The following CAMK1D variants were observed in gnomAD, a reference collection of about 807,000 sequenced individuals.
CAMK1D encodes the protein calcium/calmodulin-dependent protein kinase type 1D.
In CAMK1D, 9 loss-of-function variants were observed where a neutral mutation model predicts 47.7. The observed-to-expected ratio is 0.19, with a 90% confidence interval of 0.11 to 0.33. The LOEUF (loss-of-function observed/expected upper bound fraction) is 0.33, where lower values mean the gene tolerates loss of function less well. CAMK1D is among the 10% of genes least tolerant of loss of function. The probability of loss-of-function intolerance (pLI) is 1.00; values close to 1 mark genes in which losing one functional copy is unlikely to be tolerated. For synonymous variants in CAMK1D, 184 were observed against 184.9 expected (o/e 0.99, Z 0.04); for missense variants, 291 against 488.7 (o/e 0.60, Z 3.81).
intron 5 of CAMK1D, among the ~76,000 whole-genome samples, chr10:12,777,032 T>G (rs182276196): frequency 6.6e-6 from 1 of 152,152 alleles, no homozygotes; most frequent in Non-Finnish European, 1.5e-5. Flanking sequence ...GTAGGCAAAT[T>G]TGCAGATAGA....
chr10:12,749,735 G>C (rs1359511395), intron 3 of CAMK1D, among the ~76,000 whole-genome samples: 1 of 151,954 alleles, frequency 6.6e-6, no homozygotes, highest in Non-Finnish European at 1.5e-5. Context: ...TATATTACAG[G>C]TGCCCACCAA....
intron 2 of CAMK1D, among the ~76,000 whole-genome samples, chr10:12,624,564 C>G (rs558230426): frequency 6.6e-6 from 1 of 152,140 alleles, no homozygotes; most frequent in Non-Finnish European, 1.5e-5. Context: ...CATGTTGTCA[C>G]CCTGCAGAAT....
In CAMK1D at chr10:12,349,913, A is replaced by G. The variant is rs1376267661; in HGVS notation, c.92+3A>G. Reference sequence around the variant, plus strand: ...GAGTTCAAAGAGACCCTCGGAACGTAAGTGGGGACCGGGGAGGCGAGGGTG... The same window carrying G: ...GAGTTCAAAGAGACCCTCGGAACGTGAGTGGGGACCGGGGAGGCGAGGGTG... On this transcript the variant is annotated splice_donor_region_variant and intron_variant, in intron 1 of 10. Coordinates refer to ENST00000619168, the MANE Select transcript of CAMK1D (RefSeq NM_153498.4). The G allele has an allele frequency of 6.5e-7, 1 of 1,531,542 alleles. No homozygotes were observed. The highest frequency in any genetic ancestry group is 8.8e-7 in the Non-Finnish European group (1 of 1,134,114). The allele number at this position is 1,531,542 out of a possible 1,614,324, so 94.9% of individuals were successfully genotyped here.
chr10:12,792,748 C>T (rs980428874), intron 6 of CAMK1D, among the ~76,000 whole-genome samples: 9 of 152,218 alleles, frequency 5.9e-5, no homozygotes, highest in Non-Finnish European at 1.2e-4. Flanking sequence ...TTGCCATATA[C>T]TTGGCCTAAA....
chr10:12,705,803 A>G (rs1833709778), intron 3 of CAMK1D, among the ~76,000 whole-genome samples: 1 of 152,236 alleles, frequency 6.6e-6, no homozygotes, highest in Non-Finnish European at 1.5e-5. Context: ...GAGGAGCAAT[A>G]TCTCACGTCG....
intron 6 of CAMK1D, among the ~76,000 whole-genome samples, chr10:12,802,720 C>G (rs1395283593): frequency 6.6e-6 from 1 of 152,152 alleles, no homozygotes. Flanking sequence ...TGGGGTTTCA[C>G]CATGTTGGCC....
intron 1 of CAMK1D, among the ~76,000 whole-genome samples, chr10:12,488,773 C>T (rs1184950030): frequency 2.0e-5 from 3 of 151,994 alleles, no homozygotes; most frequent in Non-Finnish European, 2.9e-5. Context: ...CCCTCGCGTG[C>T]GCAGTTCACA....
intron 2 of CAMK1D, among the ~76,000 whole-genome samples, chr10:12,575,347 T>G (rs1837461107): frequency 6.6e-6 from 1 of 152,190 alleles, no homozygotes; most frequent in Non-Finnish European, 1.5e-5. Context: ...CGCCTTGGCC[T>G]CCTAAGGTGC....
chr10:12,698,019 T>C (rs1833364851), intron 3 of CAMK1D, among the ~76,000 whole-genome samples: 1 of 152,200 alleles, frequency 6.6e-6, no homozygotes, highest in South Asian at 2.1e-4. Flanking sequence ...GAAAGCTGTG[T>C]GGCCTTGGAA....
At chr10:12,545,271 C>T (rs1214453424) in intron 1 of CAMK1D, among the ~76,000 whole-genome samples, 4 of 3,782 alleles carry the variant, frequency 1.1e-3, no homozygotes, top group Non-Finnish European at 4.5e-3. Context: ...GAAAACTAGT[C>T]TCTACTAAAA....
chr10:12,579,224 G>A (rs538610163), intron 2 of CAMK1D, among the ~76,000 whole-genome samples: 2 of 152,178 alleles, frequency 1.3e-5, no homozygotes, highest in Non-Finnish European at 2.9e-5. Context: ...GATGAGGGGA[G>A]CATTCCTCTT....
chr10:12,721,070 A>C (rs1834349085), intron 3 of CAMK1D, among the ~76,000 whole-genome samples: 2 of 152,302 alleles, frequency 1.3e-5, no homozygotes, highest in South Asian at 4.1e-4. Flanking sequence ...AAATAATCAC[A>C]AACTGGCTAA....
At chr10:12,736,453 A>G (rs944061896) in intron 3 of CAMK1D, among the ~76,000 whole-genome samples, 13 of 152,214 alleles carry the variant, frequency 8.5e-5, no homozygotes, top group African/African-American at 3.1e-4. Context: ...CTGAGAATTT[A>G]TTGATTTTTT....
intron 3 of CAMK1D, among the ~76,000 whole-genome samples, chr10:12,685,366 T>C (rs1832618913): frequency 6.6e-6 from 1 of 152,190 alleles, no homozygotes; most frequent in Admixed American, 6.5e-5. Flanking sequence ...TAGTGACCTT[T>C]AGTTGTAGAT....
chr10:12,515,911 A>G (rs528668491), intron 1 of CAMK1D, among the ~76,000 whole-genome samples: 1 of 150,336 alleles, frequency 6.7e-6, no homozygotes, highest in African/African-American at 2.4e-5. Flanking sequence ...GTGCAGGGCC[A>G]TAGTTTTCCT....
At chr10:12,757,156 G>T (rs1002326659) in intron 3 of CAMK1D, among the ~76,000 whole-genome samples, 1 of 151,936 alleles carries the variant, frequency 6.6e-6, no homozygotes, top group Non-Finnish European at 1.5e-5. Flanking sequence ...TTTGAGACAG[G>T]GTCTTGGTCC....
intron 3 of CAMK1D, among the ~76,000 whole-genome samples, chr10:12,668,150 G>A (rs1840492951): frequency 1.3e-5 from 2 of 152,138 alleles, no homozygotes; most frequent in African/African-American, 4.8e-5. Context: ...GAGAGAGCTA[G>A]TTCTCCCCAA....
intron 3 of CAMK1D, among the ~76,000 whole-genome samples, chr10:12,751,096 GATAAGATA>G (rs1564535462): frequency 1.6e-5 from 2 of 126,902 alleles, no homozygotes; most frequent in Non-Finnish European, 3.2e-5. Context: ...GATAAGATAA[GATAAGATA>G]AGATAAGATA....
rs1313646570 is a variant in CAMK1D at position 12,767,719 on chromosome 10, T to C, written c.439-1954T>C. On this transcript the variant is annotated intron_variant, in intron 4 of 10. Coordinates refer to ENST00000619168, the MANE Select transcript of CAMK1D (RefSeq NM_153498.4). The stretch of plus-strand genomic sequence containing the variant: ...AGGTAGATAAGAGACAAAGAGTTGC[T>C]TTCTTTTGAGTCTCTGATCAGTTCT... 3.9e-5 allele frequency among the ~76,000 whole-genome samples: 6 copies of C among 152,294 alleles called. 1 individual carries two copies. The Middle Eastern group carries it at 0.01, about 259-fold the overall frequency.
Sources: gnomAD v4.1 joint callset for allele counts (sites outside exome capture counted in the v4.1 genomes callset) on GRCh38, gnomAD v4.1.1 for gene constraint, MANE v1.5 for transcripts, NCBI Gene and HGNC (gene_info 2026-07-23, HGNC 2026-07-21) for gene names.